The following PDZD2 variants were observed in gnomAD, a reference collection of about 807,000 sequenced individuals.
The protein encoded by PDZD2 is PDZ domain-containing protein 2.
A neutral mutation model predicts 220.7 loss-of-function variants in PDZD2; 90 were observed. The observed-to-expected ratio is 0.41, with a 90% CI of 0.34 to 0.49. PDZD2 has a LOEUF of 0.49. PDZD2 is among the 20% of genes least tolerant of loss of function. PDZD2 has a pLI of 0.28. For missense variants in PDZD2, 3,174 were observed against 3,608.5 expected (o/e 0.88, Z 3.08); for synonymous variants, 1,375 against 1,450.5 (o/e 0.95, Z 1.18).
chr5:31,752,830 G>A (rs670081), intron 1 of PDZD2, among the ~76,000 whole-genome samples: 6,910 of 152,096 alleles, frequency 0.045, 517 homozygotes, highest in East Asian at 0.37. Context: ...AGCCAGATGT[G>A]GTTGCTTCCT....
intron 2 of PDZD2, among the ~76,000 whole-genome samples, chr5:31,955,301 G>T (rs1412440341): frequency 5.0e-4 from 74 of 149,266 alleles, no homozygotes; most frequent in African/African-American, 1.6e-3. Context: ...TTTTTTTTTT[G>T]TTTTGTTTTG....
chr5:31,833,898 C>T (rs907704394), intron 2 of PDZD2, among the ~76,000 whole-genome samples: 2 of 152,220 alleles, frequency 1.3e-5, no homozygotes, highest in Non-Finnish European at 2.9e-5. Context: ...GCCCATCAAC[C>T]TGTACCCTGT....
At chr5:32,012,918 A>G (rs1369735464) in intron 6 of PDZD2, among the ~76,000 whole-genome samples, 1 of 152,008 alleles carries the variant, frequency 6.6e-6, no homozygotes, top group Non-Finnish European at 1.5e-5. Flanking sequence ...ATTATGCATA[A>G]TTCATATGAG....
At chr5:31,651,914 G>C (rs559363946) in intron 1 of PDZD2, among the ~76,000 whole-genome samples, 28 of 147,038 alleles carry the variant, frequency 1.9e-4, no homozygotes, top group South Asian at 6.5e-4. Flanking sequence ...ACCCTCTCTG[G>C]GTTCAAGCAA....
At chr5:32,043,907 G>A (rs1488258291) in intron 7 of PDZD2, among the ~76,000 whole-genome samples, 1 of 152,132 alleles carries the variant, frequency 6.6e-6, no homozygotes, top group African/African-American at 2.4e-5. Flanking sequence ...GATATCAGAT[G>A]TGAGCCACCG....
intron 5 of PDZD2, among the ~76,000 whole-genome samples, chr5:32,009,534 C>G (rs1176871358): frequency 1.3e-5 from 2 of 151,304 alleles, no homozygotes; most frequent in African/African-American, 4.9e-5. Flanking sequence ...TCGAGACCAG[C>G]CTGGGCAACA....
intron 1 of PDZD2, among the ~76,000 whole-genome samples, chr5:31,775,482 T>A (rs1301531970): frequency 6.6e-6 from 1 of 152,180 alleles, no homozygotes; most frequent in Non-Finnish European, 1.5e-5. Flanking sequence ...TCTATACTTG[T>A]CACTCATTTC....
chr5:32,072,289 G>A lies in PDZD2; in HGVS notation c.2697G>A (p.Glu899=), dbSNP rs1014188879. ...CGGGAAGTGGCTGCAGCACGTCGGA[G>A]GAGGGCAGCCTGCCTCCCAGCACCT... ...DHPGSGCSTS[E]EGSLPPSTST... The change falls in exon 17 of 25, where the codon GAG becomes GAA. Residue 899 remains glutamate, a synonymous_variant. Coordinates refer to ENST00000438447, the MANE Select transcript of PDZD2 (RefSeq NM_178140.4). 5.6e-6 allele frequency: 9 copies of A among 1,613,726 alleles called. No homozygotes were observed. In the Admixed American group the frequency reaches 6.7e-5, roughly 12 times the overall value.
chr5:31,705,175 TAC>T (rs755393785), intron 1 of PDZD2, among the ~76,000 whole-genome samples: 2,225 of 83,988 alleles, frequency 0.026, 30 homozygotes, highest in African/African-American at 0.068. Flanking sequence ...AATACATGTA[TAC>T]ACACACACAC....
At chr5:31,865,408 G>A (rs755705824) in intron 2 of PDZD2, among the ~76,000 whole-genome samples, 2 of 151,710 alleles carry the variant, frequency 1.3e-5, no homozygotes, top group African/African-American at 2.4e-5. Context: ...GACCTCTCAG[G>A]CCCAAGTGAT....
chr5:31,799,711 G>A lies in PDZD2; in HGVS notation c.463G>A (p.Val155Ile). 6.2e-7 allele frequency: 1 copy of A among 1,612,218 alleles called. No homozygotes were observed. The highest frequency in any genetic ancestry group is 1.3e-5 in the African/African-American group (1 of 75,012). Residue 155 changes from valine to isoleucine, a missense_variant, in exon 2 of 25, where the codon GTC becomes ATC. By Grantham distance (29) the Val-to-Ile change is conservative (BLOSUM62 3). This residue lies in a region of PDZD2 where 632 missense variants were observed against 708.1 expected (regional missense o/e 0.89). Coordinates refer to ENST00000438447, the MANE Select transcript of PDZD2 (RefSeq NM_178140.4). Reference protein sequence around the residue: ...LNGQLMVGVDVSGASYLAEQC... With the variant: ...LNGQLMVGVDISGASYLAEQC... ...TGGGCAGCTGATGGTTGGAGTTGAT[G>A]TCAGTGGGGCCAGGTAAGTAGGGGG...
At chr5:31,655,226 G>A (rs11746205) in intron 1 of PDZD2, among the ~76,000 whole-genome samples, 12,721 of 152,216 alleles carry the variant, frequency 0.084, 681 homozygotes, top group African/African-American at 0.15. Flanking sequence ...AGGCTGGAGT[G>A]CAGTGGCGCA....
At chr5:31,687,639 A>G (rs1746927314) in intron 1 of PDZD2, among the ~76,000 whole-genome samples, 1 of 152,204 alleles carries the variant, frequency 6.6e-6, no homozygotes, top group African/African-American at 2.4e-5. Flanking sequence ...ACAAAATACC[A>G]TAGACTGAGT....
At chr5:31,823,804 G>A (rs1210482056) in intron 2 of PDZD2, among the ~76,000 whole-genome samples, 1 of 152,186 alleles carries the variant, frequency 6.6e-6, no homozygotes, top group Non-Finnish European at 1.5e-5. Flanking sequence ...CTTTACAGAT[G>A]TTTTACAGGA....
At chr5:32,039,824 TG>T (rs1755895887) in intron 7 of PDZD2, among the ~76,000 whole-genome samples, 1 of 133,816 alleles carries the variant, frequency 7.5e-6, no homozygotes, top group South Asian at 2.7e-4. Flanking sequence ...CGCCTCTGCC[TG>T]GCCGCCCCAT....
In PDZD2 at chr5:32,110,066, T is replaced by G. The variant is rs1745233435; in HGVS notation, c.*1931T>G. The G allele has an allele frequency of 6.6e-6, 1 of 152,640 alleles. No homozygotes were observed. Among genetic ancestry groups the G allele is most frequent in the Non-Finnish European group, 1.5e-5 (1 of 68,052 alleles). The allele number at this position is 152,640 out of a possible 1,614,324, so 9.5% of individuals were successfully genotyped here. A position where few individuals can be genotyped will look rare whatever the true frequency, so the allele number is the denominator to read the frequency against. On this transcript the variant is annotated 3_prime_UTR_variant, in exon 25 of 25. Coordinates refer to ENST00000438447, the MANE Select transcript of PDZD2 (RefSeq NM_178140.4). ...TAGATATTGATTGATTGTTTTTCAGTCTCTGGGGTCAGTTTTGTGGTTTCT... is the reference window on the plus strand; with the variant it reads ...TAGATATTGATTGATTGTTTTTCAGGCTCTGGGGTCAGTTTTGTGGTTTCT...
In PDZD2 at chr5:31,680,011, T is replaced by C. The variant is rs148912174; in HGVS notation, c.-361+40574T>C. Among the ~76,000 whole-genome samples, 390 of 152,358 alleles carry C rather than the reference T, an allele frequency of 2.6e-3. 5 individuals carry two copies. Among genetic ancestry groups the C allele is most frequent in the Admixed American group, 0.019 (293 of 15,308 alleles). On this transcript the variant is annotated intron_variant, in intron 1 of 24. Transcript: ENST00000438447. ...CCTCAAAATGTTTAGCTCCAAAAGG[T>C]TTAAATGCATCTTCTAGAGCATTTT...
intron 1 of PDZD2, among the ~76,000 whole-genome samples, chr5:31,655,879 A>T (rs919550032): frequency 1.3e-5 from 2 of 152,200 alleles, no homozygotes; most frequent in Non-Finnish European, 2.9e-5. Context: ...ATGTTGTTGC[A>T]TTCTTAGAAA....
chr5:32,076,744 G>C (rs1445215307), intron 18 of PDZD2, among the ~76,000 whole-genome samples: 1 of 152,136 alleles, frequency 6.6e-6, no homozygotes, highest in African/African-American at 2.4e-5. Context: ...CTCCTCTACT[G>C]TTTTTATGTT....
Sources: allele counts gnomAD v4.1 joint callset (sites outside exome capture counted in the v4.1 genomes callset), GRCh38; gene constraint gnomAD v4.1.1; regional missense constraint gnomAD v4.1.1; transcripts MANE v1.5; gene names NCBI Gene and HGNC (gene_info 2026-07-23, HGNC 2026-07-21).